CSRNP3: variants seen among roughly 807,000 people sequenced by gnomAD.
The protein encoded by CSRNP3 is cysteine and serine rich nuclear protein 3, also known as cysteine/serine-rich nuclear protein 3.
CSRNP3 carries 12 observed loss-of-function variants against 48.0 expected under a neutral mutation model. That is an observed-to-expected ratio of 0.25 (90% CI 0.16 to 0.41). CSRNP3 has a LOEUF of 0.41. Among genes scored for constraint, CSRNP3 ranks in the 10% least tolerant of loss-of-function variants. CSRNP3 has a pLI of 1.00. For missense variants in CSRNP3, 580 were observed against 724.4 expected (o/e 0.80, Z 2.29); for synonymous variants, 263 against 269.7 (o/e 0.98, Z 0.24).
At chr2:165,588,829 G>A (rs1293307759) in intron 3 of CSRNP3, among the ~76,000 whole-genome samples, 4 of 152,112 alleles carry the variant, frequency 2.6e-5, no homozygotes, top group Non-Finnish European at 5.9e-5. Flanking sequence ...CATGGTGGTG[G>A]TGAATGCTTG....
chr2:165,562,272 A>G (rs961297876), intron 3 of CSRNP3, among the ~76,000 whole-genome samples: 6 of 152,346 alleles, frequency 3.9e-5, no homozygotes, highest in Admixed American at 3.9e-4. Flanking sequence ...TGCATTTGAA[A>G]GAAAAAGAGG....
At chr2:165,522,996 T>A (rs1684683597) in intron 3 of CSRNP3, among the ~76,000 whole-genome samples, 2 of 152,158 alleles carry the variant, frequency 1.3e-5, no homozygotes, top group African/African-American at 4.8e-5. Flanking sequence ...TTTCAAAAGT[T>A]CATTACCCCA....
At chr2:165,580,022 G>A (rs1381455729) in intron 3 of CSRNP3, among the ~76,000 whole-genome samples, 1 of 145,822 alleles carries the variant, frequency 6.9e-6, no homozygotes, top group East Asian at 2.1e-4. Flanking sequence ...TCCACCTCCC[G>A]GGTTCACGCC....
chr2:165,500,237 A>G (rs1360791240), intron 2 of CSRNP3, among the ~76,000 whole-genome samples: 2 of 151,538 alleles, frequency 1.3e-5, no homozygotes, highest in African/African-American at 4.8e-5. Flanking sequence ...AAACTGTTAC[A>G]TATTTTTATG....
intron 2 of CSRNP3, among the ~76,000 whole-genome samples, chr2:165,502,199 T>A (rs1684367660): frequency 6.6e-6 from 1 of 151,960 alleles, no homozygotes; most frequent in South Asian, 2.1e-4. Context: ...CAAAAACAGC[T>A]GAACAAATGT....
rs184663279 is a variant in CSRNP3 at position 165,625,735 on chromosome 2, C to T, written c.148+30522C>T. On this transcript the variant is annotated intron_variant, in intron 4 of 6. Coordinates refer to ENST00000651982, the MANE Select transcript of CSRNP3 (RefSeq NM_001172173.2). ...GGAGGCTGAGGTCAGGAGTTCGAGA[C>T]CATCCTGGCCAACATGGTAAAACCC... Among the ~76,000 whole-genome samples the T allele has an allele frequency of 7.6e-4, 114 of 150,464 alleles. No individual in the cohort carries two copies. In the East Asian group the frequency reaches 0.013, roughly 17 times the overall value.
chr2:165,644,602 C>T (rs937891242), intron 4 of CSRNP3, among the ~76,000 whole-genome samples: 5 of 152,086 alleles, frequency 3.3e-5, no homozygotes, highest in African/African-American at 9.7e-5. Context: ...GACACACACA[C>T]GCTCACATTT....
At position 165,666,657 on chromosome 2, in the gene CSRNP3, AAAG is replaced by A. The variant is rs1286038257; in HGVS notation, c.408+8639_408+8641del. Among the ~76,000 whole-genome samples, 29 of 109,830 alleles carry A rather than the reference AAAG, an allele frequency of 2.6e-4. 5 individuals carry two copies. Among genetic ancestry groups the A allele is most frequent in the African/African-American group, 6.7e-4 (20 of 29,968 alleles). 72.1% of individuals were successfully genotyped at this position (109,830 alleles called of 152,430 possible). ...AAGGGAGGAAAGACAGAGAGGAAGA[AAAG>A]AGAGAGGAAGGAAGGAAAGAGAGAG... On this transcript the variant is annotated intron_variant, in intron 5 of 6. Transcript: ENST00000651982.
Position 165,609,465 on chromosome 2 carries a change from G to GAAAAAAAAAAA in CSRNP3, c.148+14265_148+14275dup, listed in dbSNP as rs34249194. Among the ~76,000 whole-genome samples, 16 of 97,556 alleles carry GAAAAAAAAAAA rather than the reference G, an allele frequency of 1.6e-4. 1 individual carries two copies. Among genetic ancestry groups the GAAAAAAAAAAA allele is most frequent in the East Asian group, 3.3e-4 (1 of 3,066 alleles). The allele number at this position is 97,556 out of a possible 152,430, so 64.0% of individuals were successfully genotyped here. A position where few individuals can be genotyped will look rare whatever the true frequency, so the allele number is the denominator to read the frequency against. ...CAGAGTGAGACTCCGTCTAAAAAAA[G>GAAAAAAAAAAA]AAAAAAAAAAAAAAAAAAAAAAAGA... On this transcript the variant is annotated intron_variant, in intron 4 of 6. Coordinates refer to ENST00000651982, the MANE Select transcript of CSRNP3 (RefSeq NM_001172173.2).
chr2:165,619,984 C>G (rs1226799943), intron 4 of CSRNP3, among the ~76,000 whole-genome samples: 4 of 151,988 alleles, frequency 2.6e-5, no homozygotes, highest in Non-Finnish European at 4.4e-5. Context: ...AGTGGACACC[C>G]AAAGAAAACG....
chr2:165,520,403 A>G (rs1684635311), intron 3 of CSRNP3, among the ~76,000 whole-genome samples: 1 of 152,166 alleles, frequency 6.6e-6, no homozygotes, highest in Admixed American at 6.5e-5. Context: ...TCTTGACTTT[A>G]CTGGCTGGAG....
chr2:165,501,622 A>T (rs896211438), intron 2 of CSRNP3, among the ~76,000 whole-genome samples: 1 of 152,130 alleles, frequency 6.6e-6, no homozygotes, highest in Non-Finnish European at 1.5e-5. Context: ...TAAACAAATT[A>T]TCTCATTTAA....
Position 165,689,363 on chromosome 2 carries a change from T to C in CSRNP3, c.*9610T>C, listed in dbSNP as rs1048009538. On this transcript the variant is annotated 3_prime_UTR_variant, in exon 7 of 7. Coordinates refer to ENST00000651982, the MANE Select transcript of CSRNP3 (RefSeq NM_001172173.2). ...TTTTTATTACATATTGTACAATATC[T>C]TGTCCATTTGTTTGCAGCAGAGTAA... 3.3e-5 allele frequency: 5 copies of C among 152,168 alleles called. No individual in the cohort carries two copies. Among genetic ancestry groups the C allele is most frequent in the Admixed American group, 1.3e-4 (2 of 15,272 alleles). The allele number at this position is 152,168 out of a possible 1,614,324, so 9.4% of individuals were successfully genotyped here. A position where few individuals can be genotyped will look rare whatever the true frequency, so the allele number is the denominator to read the frequency against.
intron 4 of CSRNP3, among the ~76,000 whole-genome samples, chr2:165,640,395 T>C (rs1686704955): frequency 6.6e-6 from 1 of 152,216 alleles, no homozygotes; most frequent in Non-Finnish European, 1.5e-5. Flanking sequence ...TTCATGTTTA[T>C]ACCATTACTT....
chr2:165,525,494 T>G (rs1684720324), intron 3 of CSRNP3, among the ~76,000 whole-genome samples: 1 of 150,008 alleles, frequency 6.7e-6, no homozygotes, highest in Non-Finnish European at 1.5e-5. Flanking sequence ...TCTTCTTTTT[T>G]TTTTTTTTTG....
chr2:165,480,542 G>A (rs1050796191), intron 1 of CSRNP3, among the ~76,000 whole-genome samples: 1 of 151,814 alleles, frequency 6.6e-6, no homozygotes, highest in Non-Finnish European at 1.5e-5. Flanking sequence ...TTGAGTAGCT[G>A]ACAAATTCAT....
chr2:165,659,648 G>C (rs1378754886), intron 5 of CSRNP3, among the ~76,000 whole-genome samples: 2 of 152,074 alleles, frequency 1.3e-5, no homozygotes, highest in African/African-American at 4.8e-5. Context: ...CTCTTCCGTT[G>C]GATTATCACC....
At chr2:165,513,846 G>A (rs992256312) in intron 2 of CSRNP3, among the ~76,000 whole-genome samples, 4 of 152,194 alleles carry the variant, frequency 2.6e-5, no homozygotes, top group Non-Finnish European at 4.4e-5. Context: ...CAAAGAGGCT[G>A]GAACAAGGAG....
At chr2:165,604,197 C>A (rs1685971594) in intron 4 of CSRNP3, among the ~76,000 whole-genome samples, 1 of 152,166 alleles carries the variant, frequency 6.6e-6, no homozygotes, top group Non-Finnish European at 1.5e-5. Context: ...AGTATTTTAG[C>A]ATTTCTCTAA....
Sources: gnomAD v4.1 joint callset for allele counts (sites outside exome capture counted in the v4.1 genomes callset) on GRCh38, gnomAD v4.1.1 for gene constraint, MANE v1.5 for transcripts, NCBI Gene and HGNC (gene_info 2026-07-23, HGNC 2026-07-21) for gene names.